The following NACC2 variants were observed in gnomAD, a reference collection of about 807,000 sequenced individuals.
NACC2 encodes nucleus accumbens-associated protein 2.
A neutral mutation model predicts 25.1 loss-of-function variants in NACC2; 8 were observed. That is an observed-to-expected ratio of 0.32 (90% CI 0.19 to 0.57). NACC2 has a LOEUF of 0.57. Ranked by LOEUF, NACC2 falls within the 20% of genes least tolerant of loss-of-function variation. The pLI is 0.89. For missense variants in NACC2, 644 were observed against 650.2 expected (o/e 0.99, Z 0.10); for synonymous variants, 435 against 294.7 (o/e 1.48, Z -4.88).
chr9:136,024,065 T>C (rs1840337146), intron 2 of NACC2, among the ~76,000 whole-genome samples: 1 of 151,770 alleles, frequency 6.6e-6, no homozygotes, highest in Non-Finnish European at 1.5e-5. Context: ...CGTGTGTGTG[T>C]GAGGCCAGAG....
chr9:136,043,872 C>A (rs950894808), intron 2 of NACC2, among the ~76,000 whole-genome samples: 3,097 of 152,298 alleles, frequency 0.02, 28 homozygotes, highest in Middle Eastern at 0.031. Flanking sequence ...TGTCACCAGG[C>A]TGGAGTGCAG....
chr9:136,024,037 CAG>C (rs1564221282), intron 2 of NACC2, among the ~76,000 whole-genome samples: 2 of 152,068 alleles, frequency 1.3e-5, no homozygotes, highest in Admixed American at 6.5e-5. Context: ...CTCTGGGAGA[CAG>C]AGTGTGTGGG....
intron 3 of NACC2, among the ~76,000 whole-genome samples, chr9:136,014,627 G>A (rs899013047): frequency 1.3e-5 from 2 of 152,180 alleles, no homozygotes; most frequent in African/African-American, 2.4e-5. Context: ...GTGGCCCTGG[G>A]TTTGGGAAAC....
chr9:136,037,705 C>T (rs1840574673), intron 2 of NACC2, among the ~76,000 whole-genome samples: 2 of 152,014 alleles, frequency 1.3e-5, no homozygotes, highest in Admixed American at 1.3e-4. Flanking sequence ...GATGGGGTTT[C>T]ACCATGTTGG....
At chr9:136,038,124 G>A (rs948769894) in intron 2 of NACC2, among the ~76,000 whole-genome samples, 10 of 152,198 alleles carry the variant, frequency 6.6e-5, no homozygotes, top group South Asian at 2.1e-4. Context: ...ACAGATTAGC[G>A]GTGGCCGGGA....
In NACC2 at chr9:136,013,497, C is replaced by T. The variant is rs746129331; in HGVS notation, c.1158-201G>A. 9.9e-5 allele frequency among the ~76,000 whole-genome samples: 15 copies of T among 152,186 alleles called. No homozygotes were observed. The highest frequency in any genetic ancestry group is 2.1e-4 in the Non-Finnish European group (14 of 68,038). ...AAAGCGTCTGGGCTGAGAAGATGAC[C>T]GGGTGATGGGGCTGCAAGGTGACCT... On this transcript the variant is annotated intron_variant, in intron 4 of 5. Coordinates refer to ENST00000277554, the MANE Select transcript of NACC2 (RefSeq NM_144653.5). This position sits in a 1 kb window ranked among gnomAD's most constrained non-coding sequence, Gnocchi z 6.6.
At chr9:136,026,609 A>G (rs1482641978) in intron 2 of NACC2, among the ~76,000 whole-genome samples, 1 of 152,184 alleles carries the variant, frequency 6.6e-6, no homozygotes, top group Admixed American at 6.5e-5. Context: ...AAGCATGGGG[A>G]AAAAATGTGC....
chr9:136,022,791 G>A lies in NACC2; in HGVS notation c.887-6362C>T, dbSNP rs995750477. Reference sequence around the variant, plus strand: ...CGCTGTACTTGGTGGGAGCACAGAGGCCACAATTATAAGGCATGCCATTCT... The same window carrying A: ...CGCTGTACTTGGTGGGAGCACAGAGACCACAATTATAAGGCATGCCATTCT... On this transcript the variant is annotated intron_variant, in intron 2 of 5. Coordinates refer to ENST00000277554, the MANE Select transcript of NACC2 (RefSeq NM_144653.5). This position sits in a 1 kb window ranked among gnomAD's most constrained non-coding sequence, Gnocchi z 4.4. Among the ~76,000 whole-genome samples, 1 of 151,876 alleles carries A rather than the reference G, an allele frequency of 6.6e-6. No individual in the cohort carries two copies. Among genetic ancestry groups the A allele is most frequent in the East Asian group, 2.0e-4 (1 of 5,100 alleles).
chr9:136,095,096 G>A (rs1459675355), intron 1 of NACC2, 93 bp downstream of exon 1: 1 of 146,224 alleles, frequency 6.8e-6, no homozygotes, highest in African/African-American at 2.5e-5. Flanking sequence ...TTGGGCGGCC[G>A]CGGAGTTTGC....
rs116454509 is a variant in NACC2, at chr9:136,085,052, C to T, written c.-60+10137G>A. On this transcript the variant is annotated intron_variant, in intron 1 of 5. Transcript: ENST00000277554. ...CTTCATTCCACTGAAAAAGCTAAAA[C>T]GGTAAATTTTATGTATAATTAATCA... is the stretch of plus-strand genomic sequence containing the variant. Among the ~76,000 whole-genome samples, 1,440 of 150,320 alleles carry T rather than the reference C, an allele frequency of 9.6e-3. 21 individuals carry two copies. The highest frequency in any genetic ancestry group is 0.033 in the African/African-American group (1,338 of 40,946).
In NACC2 at chr9:136,054,101, C is replaced by T. The variant is rs966722622; in HGVS notation, c.-59-3521G>A. On this transcript the variant is annotated intron_variant, in intron 1 of 5. Transcript: ENST00000277554. Reference sequence around the variant, plus strand: ...AATGGAACAATGTTTGTGAAGCCGGCGGCTGAAGCCTCACACACAGAAAGC... The same window carrying T: ...AATGGAACAATGTTTGTGAAGCCGGTGGCTGAAGCCTCACACACAGAAAGC... 1.1e-4 allele frequency among the ~76,000 whole-genome samples: 17 copies of T among 152,320 alleles called. No homozygotes were observed. The South Asian group carries it at 2.7e-3, about 24-fold the overall frequency.
chr9:136,076,993 G>C (rs371251905), intron 1 of NACC2, among the ~76,000 whole-genome samples: 1 of 142,386 alleles, frequency 7.0e-6, no homozygotes, highest in Non-Finnish European at 1.5e-5. Flanking sequence ...GCGACAGAGC[G>C]AGACTCTGTC....
chr9:136,068,757 A>T (rs1841116667), intron 1 of NACC2, among the ~76,000 whole-genome samples: 1 of 151,710 alleles, frequency 6.6e-6, no homozygotes, highest in Non-Finnish European at 1.5e-5. Flanking sequence ...AACCAAAAGG[A>T]AATTTTAAAA....
Position 136,013,844 on chromosome 9 carries a change from G to A in NACC2, c.1157+20C>T. On this transcript the variant is annotated intron_variant, in intron 4 of 5. Transcript: ENST00000277554. This position sits in a 1 kb window ranked among gnomAD's most constrained non-coding sequence, Gnocchi z 6.6. Reference sequence around the variant, plus strand: ...CTCCGCAGCTCCATTGTGCCCTCCAGCACTCCTGCCCCGACCTACCTGTCA... The same window carrying A: ...CTCCGCAGCTCCATTGTGCCCTCCAACACTCCTGCCCCGACCTACCTGTCA... 1 of 1,604,738 alleles carries A rather than the reference G, an allele frequency of 6.2e-7. No homozygotes were observed. The highest frequency in any genetic ancestry group is 8.5e-7 in the Non-Finnish European group (1 of 1,173,564).
At chr9:136,052,387 G>A (rs922983863) in intron 1 of NACC2, among the ~76,000 whole-genome samples, 17 of 151,752 alleles carry the variant, frequency 1.1e-4, no homozygotes, top group African/African-American at 3.9e-4. Context: ...AGTCTGCAGA[G>A]CTGGCAGAGC....
chr9:136,085,608 G>T lies in NACC2; in HGVS notation c.-60+9581C>A, dbSNP rs548945061. ...TGTAAGGCCAGGAGGGGCCTGGGAG[G>T]CGGCTGCCAGGGGGTGGGTACAGGC... On this transcript the variant is annotated intron_variant, in intron 1 of 5. Coordinates refer to ENST00000277554, the MANE Select transcript of NACC2 (RefSeq NM_144653.5). Among the ~76,000 whole-genome samples the T allele has an allele frequency of 1.6e-4, 24 of 152,328 alleles. No homozygotes were observed. The South Asian group carries it at 3.7e-3, about 24-fold the overall frequency.
At chr9:136,025,125 G>A (rs1490622383) in intron 2 of NACC2, among the ~76,000 whole-genome samples, 4 of 152,246 alleles carry the variant, frequency 2.6e-5, no homozygotes. Context: ...GAGGGGTTCT[G>A]GGGAACACCA....
At chr9:136,041,533 G>A (rs1183740027) in intron 2 of NACC2, among the ~76,000 whole-genome samples, 1 of 151,424 alleles carries the variant, frequency 6.6e-6, no homozygotes, top group Non-Finnish European at 1.5e-5. Context: ...CGATTCCATT[G>A]AACCAAAGTG....
At chr9:136,023,760 C>A (rs897743384) in intron 2 of NACC2, among the ~76,000 whole-genome samples, 1 of 152,240 alleles carries the variant, frequency 6.6e-6, no homozygotes, top group Non-Finnish European at 1.5e-5. Context: ...CAGCCATAGG[C>A]ACAGGTTGAA....
Sources: gnomAD v4.1 joint callset for allele counts (sites outside exome capture counted in the v4.1 genomes callset) on GRCh38, gnomAD v4.1.1 for gene constraint, Gnocchi (gnomAD v3.1) non-coding constraint, MANE v1.5 for transcripts, NCBI Gene and HGNC (gene_info 2026-07-23, HGNC 2026-07-21) for gene names.